The following GABRB3 variants were observed in gnomAD, a reference collection of about 807,000 sequenced individuals.
The protein encoded by GABRB3 is gamma-aminobutyric acid type A receptor subunit beta3.
Under a neutral mutation model 52.1 loss-of-function variants are expected in GABRB3, and 14 were observed. That is an observed-to-expected ratio of 0.27 (90% CI 0.18 to 0.42). The LOEUF is 0.42. Ranked by LOEUF, GABRB3 falls within the 10% of genes least tolerant of loss-of-function variation. GABRB3 has a pLI of 1.00. For missense variants in GABRB3, 307 were observed against 609.1 expected (o/e 0.50, Z 5.22); for synonymous variants, 260 against 232.3 (o/e 1.12, Z -1.08).
At position 26,546,618 on chromosome 15, in the gene GABRB3, T is replaced by C. The variant is rs942367013; in HGVS notation, c.*1175A>G. 1.3e-5 allele frequency: 2 copies of C among 152,578 alleles called. No homozygotes were observed. Among genetic ancestry groups the C allele is most frequent in the African/African-American group, 2.4e-5 (1 of 41,434 alleles). 9.5% of individuals were successfully genotyped at this position (152,578 alleles called of 1,614,324 possible). A position where few individuals can be genotyped will look rare whatever the true frequency, so the allele number is the denominator to read the frequency against. ...GAAATAAAGGCATGAGGATGATTCT[T>C]AGTTTCTGAAATTGAACAGTAGAAG... On this transcript the variant is annotated 3_prime_UTR_variant, in exon 9 of 9. Transcript: ENST00000311550.
At chr15:26,690,358 C>T (rs1280978617) in intron 3 of GABRB3, among the ~76,000 whole-genome samples, 1 of 152,116 alleles carries the variant, frequency 6.6e-6, no homozygotes. Flanking sequence ...GGATTACAGA[C>T]ATAAGCCACC....
chr15:26,686,224 C>T (rs759700854), intron 3 of GABRB3, among the ~76,000 whole-genome samples: 2 of 152,130 alleles, frequency 1.3e-5, no homozygotes, highest in Admixed American at 6.5e-5. Context: ...GGATTACAGG[C>T]GTGAGCCACT....
chr15:26,634,651 A>G (rs1035208076), intron 3 of GABRB3, among the ~76,000 whole-genome samples: 1 of 151,972 alleles, frequency 6.6e-6, no homozygotes, highest in Non-Finnish European at 1.5e-5. Context: ...TAAATAGAAT[A>G]ATATAGGGAA....
chr15:26,737,671 A>G (rs143264513), intron 3 of GABRB3, among the ~76,000 whole-genome samples: 351 of 152,272 alleles, frequency 2.3e-3, no homozygotes, highest in African/African-American at 7.9e-3. Context: ...GGGTTAAAAT[A>G]AAATCAACTC....
intron 4 of GABRB3, chr15:26,612,464 C>T (rs895151259): frequency 6.6e-6 from 1 of 152,052 alleles, no homozygotes; most frequent in Admixed American, 6.5e-5. Context: ...CGGGGAAAGC[C>T]AGCTAGAAAA....
upstream of GABRB3, chr15:26,773,089 A>G: frequency 1.1e-6 from 1 of 940,680 alleles, no homozygotes; most frequent in Non-Finnish European, 1.3e-6. Flanking sequence ...AGGAGGGCGG[A>G]GGGGGAGGGG....
intron 3 of GABRB3, among the ~76,000 whole-genome samples, chr15:26,684,961 T>C (rs749164220): frequency 4.6e-5 from 7 of 152,152 alleles, no homozygotes; most frequent in South Asian, 4.1e-4. Context: ...CTGGCGCCAA[T>C]AGACTTGCTC....
chr15:26,670,259 T>G (rs1887849509), intron 3 of GABRB3, among the ~76,000 whole-genome samples: 1 of 151,912 alleles, frequency 6.6e-6, no homozygotes, highest in South Asian at 2.1e-4. Flanking sequence ...CAGGTGGGCA[T>G]GGAGGGGCGG....
At position 26,714,402 on chromosome 15, in the gene GABRB3, G is replaced by A. The variant is rs145562416; in HGVS notation, c.240+58000C>T. 3.2e-3 allele frequency among the ~76,000 whole-genome samples: 485 copies of A among 152,328 alleles called. 6 individuals are homozygous for A. Among genetic ancestry groups the A allele is most frequent in the African/African-American group, 0.011 (461 of 41,564 alleles). ...CAGCCTCAGGAGGTCCTGATGACAT[G>A]TGCCCAAGGTGGTCAGAACACAGTT... is the stretch of plus-strand genomic sequence containing the variant. On this transcript the variant is annotated intron_variant, in intron 3 of 8. Coordinates refer to ENST00000311550, the MANE Select transcript of GABRB3 (RefSeq NM_000814.6).
chr15:26,759,445 G>C (rs1194641109), intron 3 of GABRB3, among the ~76,000 whole-genome samples: 1 of 152,060 alleles, frequency 6.6e-6, no homozygotes, highest in Admixed American at 6.5e-5. Flanking sequence ...ATTTTTAGTA[G>C]AGACGGGGTT....
chr15:26,643,647 T>G (rs947455302), intron 3 of GABRB3, among the ~76,000 whole-genome samples: 2 of 148,536 alleles, frequency 1.3e-5, no homozygotes, highest in Non-Finnish European at 3.0e-5. Flanking sequence ...TGTGTGTGTG[T>G]GGGTTCACCC....
At chr15:26,564,471 G>A (rs943080304) in intron 7 of GABRB3, among the ~76,000 whole-genome samples, 1 of 152,190 alleles carries the variant, frequency 6.6e-6, no homozygotes, top group Non-Finnish European at 1.5e-5. Flanking sequence ...AGTCCCTCCC[G>A]CGTTGAGTCC....
intron 6 of GABRB3, among the ~76,000 whole-genome samples, chr15:26,570,599 G>A (rs1484645767): frequency 6.6e-6 from 1 of 152,104 alleles, no homozygotes; most frequent in Non-Finnish European, 1.5e-5. Context: ...TTTCCACCAT[G>A]TTTCTGCATT....
intron 3 of GABRB3, among the ~76,000 whole-genome samples, chr15:26,726,518 A>C (rs562168085): frequency 3.3e-5 from 5 of 152,180 alleles, no homozygotes; most frequent in Non-Finnish European, 7.3e-5. Flanking sequence ...ACACTTCCTC[A>C]ATCTGTCTTT....
intron 8 of GABRB3, among the ~76,000 whole-genome samples, chr15:26,556,573 G>C (rs2140668781): frequency 6.6e-6 from 1 of 152,216 alleles, no homozygotes; most frequent in Non-Finnish European, 1.5e-5. Flanking sequence ...GAACTCTTGG[G>C]TATAGAAACA....
intron 7 of GABRB3, among the ~76,000 whole-genome samples, chr15:26,563,847 C>G (rs1412489978): frequency 2.0e-5 from 3 of 151,962 alleles, no homozygotes; most frequent in African/African-American, 7.3e-5. Flanking sequence ...CTAGCCTCAA[C>G]TTATTTGTCA....
intron 3 of GABRB3, among the ~76,000 whole-genome samples, chr15:26,684,424 C>A (rs368658703): frequency 6.6e-6 from 1 of 152,166 alleles, no homozygotes; most frequent in South Asian, 2.1e-4. Context: ...GGAAGAAAAA[C>A]GCACCAGAGT....
intron 3 of GABRB3, among the ~76,000 whole-genome samples, chr15:26,689,685 G>A (rs887893995): frequency 6.6e-6 from 1 of 152,006 alleles, no homozygotes; most frequent in Non-Finnish European, 1.5e-5. Flanking sequence ...CAACCAACCA[G>A]AACCACTCTG....
chr15:26,713,482 A>G (rs1267470274), intron 3 of GABRB3, among the ~76,000 whole-genome samples: 1 of 151,982 alleles, frequency 6.6e-6, no homozygotes, highest in Non-Finnish European at 1.5e-5. Context: ...CCCGAAACAC[A>G]ATGCTGGGTT....
Sources: allele counts gnomAD v4.1 joint callset (sites outside exome capture counted in the v4.1 genomes callset), GRCh38; gene constraint gnomAD v4.1.1; transcripts MANE v1.5; gene names NCBI Gene and HGNC (gene_info 2026-07-23, HGNC 2026-07-21).